The following ATP5F1B variants were observed in gnomAD, a reference collection of about 807,000 sequenced individuals.
ATP5F1B encodes the protein ATP synthase F(1) complex subunit beta, mitochondrial.
A neutral mutation model predicts 45.9 loss-of-function variants in ATP5F1B; 17 were observed. The observed-to-expected ratio is 0.37, with a 90% CI of 0.25 to 0.56. The LOEUF (loss-of-function observed/expected upper bound fraction) is 0.56, where lower values mean the gene tolerates loss of function less well. Ranked by LOEUF, ATP5F1B falls within the 20% of genes least tolerant of loss-of-function variation. The pLI is 0.80. For synonymous variants in ATP5F1B, 218 were observed against 256.5 expected (o/e 0.85, Z 1.43); for missense variants, 387 against 673.2 (o/e 0.57, Z 4.70).
chr12:56,639,004 A>C (rs1592643507), intron 9 of ATP5F1B, 102 bp downstream of exon 9: 1 of 1,134,614 alleles, frequency 8.8e-7, no homozygotes, highest in East Asian at 2.5e-5. Context: ...TTTTTAAATT[A>C]AAAAATATAA....
chr12:56,643,264 C>T (rs1951525650), intron 5 of ATP5F1B, 139 bp downstream of exon 5: 6 of 729,562 alleles, frequency 8.2e-6, no homozygotes, highest in Middle Eastern at 4.2e-4. Context: ...CCTTTGTAGG[C>T]CCTGGGACAC....
chr12:56,644,078 C>A, intron 3 of ATP5F1B, 120 bp from the exon 4 acceptor site: 1 of 1,132,158 alleles, frequency 8.8e-7, no homozygotes, highest in Non-Finnish European at 1.2e-6. Flanking sequence ...CACAGTCTTA[C>A]CTCCCCTTTC....
At chr12:56,645,800 C>A (rs746139519) in intron 1 of ATP5F1B, 37 bp downstream of exon 1, 2 of 1,598,862 alleles carry the variant, frequency 1.3e-6, no homozygotes, top group Non-Finnish European at 1.7e-6. Context: ...CATGGGGCGG[C>A]AAAATGGAAC....
At position 56,645,868 on chromosome 12, in the gene ATP5F1B, T is replaced by A. The variant is rs1327513721; in HGVS notation, c.96A>T (p.Leu32Phe). Reference sequence around the variant, plus strand: ...GGACCGCCGTCGGAGCGGCCCGCAGTAAGAGCTGAGCTGGGGGCAGCGACG... The same window carrying A: ...GGACCGCCGTCGGAGCGGCCCGCAGAAAGAGCTGAGCTGGGGGCAGCGACG... ...PSASLPPAQL[L>F]LRAAPTAVHP... The change falls in exon 1 of 10, where the codon TTA (leucine) becomes TTT (phenylalanine). Residue 32 changes from leucine to phenylalanine, a missense_variant. Coordinates refer to ENST00000262030, the MANE Select transcript of ATP5F1B (RefSeq NM_001686.4). 1 of 1,609,466 alleles carries A rather than the reference T, an allele frequency of 6.2e-7. No individual in the cohort carries two copies.
intron 7 of ATP5F1B, among the ~76,000 whole-genome samples, chr12:56,640,493 G>A (rs1951503942): frequency 6.6e-6 from 1 of 152,046 alleles, no homozygotes; most frequent in Non-Finnish European, 1.5e-5. Context: ...CTCCCAAAGT[G>A]TTGGGATTAT....
chr12:56,645,968 T>G lies in ATP5F1B; in HGVS notation c.-5A>C. On this transcript the variant is annotated 5_prime_UTR_variant, in exon 1 of 10. Coordinates refer to ENST00000262030, the MANE Select transcript of ATP5F1B (RefSeq NM_001686.4). ...CCGACCCACAAACCCCAACATGGCGTAGTCCGGGTGGAGACTGAAGGCTGC... is the reference window on the plus strand; with the variant it reads ...CCGACCCACAAACCCCAACATGGCGGAGTCCGGGTGGAGACTGAAGGCTGC... 6.3e-7 allele frequency: 1 copy of G among 1,597,782 alleles called. No homozygotes were observed. Among genetic ancestry groups the G allele is most frequent in the Non-Finnish European group, 8.5e-7 (1 of 1,173,076 alleles).
chr12:56,644,694 C>T (rs1284425308), intron 3 of ATP5F1B, 87 bp downstream of exon 3: 1 of 1,403,450 alleles, frequency 7.1e-7, no homozygotes, highest in Non-Finnish European at 9.6e-7. Flanking sequence ...AAGAAAAATT[C>T]TGCTTTAGGA....
Position 56,642,783 on chromosome 12 carries a change from G to A in ATP5F1B, c.841C>T (p.Arg281Trp). Residue 281 changes from arginine to tryptophan, a missense_variant, in exon 6 of 10, where the codon CGG becomes TGG. Transcript: ENST00000262030. ...QMNEPPGARA[R>W]VALTGLTVAE... ...ACAGTCAGCCCAGTCAGAGCTACCC[G>A]GGCACGAGCACCAGGTGGTTCATTC... The A allele has an allele frequency of 6.2e-7, 1 of 1,614,038 alleles. No individual in the cohort carries two copies. The highest frequency in any genetic ancestry group is 8.5e-7 in the Non-Finnish European group (1 of 1,180,012).
chr12:56,642,626 C>T (rs375233620), intron 6 of ATP5F1B, 46 bp from the exon 7 acceptor site: 63 of 1,613,906 alleles, frequency 3.9e-5, no homozygotes, highest in Admixed American at 1.0e-4. Flanking sequence ...TAGCCTCATC[C>T]GAAGAAAGGC....
Position 56,645,855 on chromosome 12 carries a change from G to A in ATP5F1B, c.109C>T (p.Pro37Ser), listed in dbSNP as rs757773553. 3 of 1,609,194 alleles carry A rather than the reference G, an allele frequency of 1.9e-6. No individual in the cohort carries two copies. Among genetic ancestry groups the A allele is most frequent in the Non-Finnish European group, 2.5e-6 (3 of 1,178,020 alleles). ...PPAQLLLRAA[P>S]TAVHPVRDYA... ...CACTTACCAGGATGGACCGCCGTCG[G>A]AGCGGCCCGCAGTAAGAGCTGAGCT... Residue 37 changes from proline to serine, a missense_variant, in exon 1 of 10, where the codon CCG becomes TCG. Around this residue, in one of 6 missense-constraint regions of ATP5F1B, gnomAD observed 76 missense variants for 62.0 expected, o/e 1.23. Coordinates refer to ENST00000262030, the MANE Select transcript of ATP5F1B (RefSeq NM_001686.4).
At chr12:56,645,096 A>T (rs763955569) in intron 2 of ATP5F1B, 75 bp downstream of exon 2, 1 of 1,607,576 alleles carries the variant, frequency 6.2e-7, no homozygotes, top group African/African-American at 1.3e-5. Context: ...AAATCATCAT[A>T]GAAGGCAGAC....
At chr12:56,639,922 C>A in intron 8 of ATP5F1B, 58 bp downstream of exon 8, 1 of 1,561,990 alleles carries the variant, frequency 6.4e-7, no homozygotes, top group South Asian at 1.1e-5. Flanking sequence ...CTCATATAGT[C>A]CCCACAGGCC....
At position 56,645,837 on chromosome 12, in the gene ATP5F1B, C is replaced by CCA; in HGVS notation, c.126_127insTG (p.Val43TrpfsTer42). 1 of 1,608,434 alleles carries CCA rather than the reference C, an allele frequency of 6.2e-7. No individual in the cohort carries two copies. The highest frequency in any genetic ancestry group is 1.7e-4 in the Middle Eastern group (1 of 6,054). On this transcript the variant is annotated frameshift_variant and splice_region_variant, in exon 1 of 10. Coordinates refer to ENST00000262030, the MANE Select transcript of ATP5F1B (RefSeq NM_001686.4). LOFTEE classifies it high-confidence loss of function. ...TTAGCTCCTAGAGAAAAGCACTTAC[C>CCA]AGGATGGACCGCCGTCGGAGCGGCC...
chr12:56,645,930 G>A lies in ATP5F1B; in HGVS notation c.34C>T (p.Pro12Ser), dbSNP rs1951546716. Reference sequence around the variant, plus strand: ...AGTCTCCGCAAGGCCCCGGAGGCCGGAGCAGCGGCCACCCGACCCACAAAC... The same window carrying A: ...AGTCTCCGCAAGGCCCCGGAGGCCGAAGCAGCGGCCACCCGACCCACAAAC... ...LGFVGRVAAA[P>S]ASGALRRLTP... The change falls in exon 1 of 10, where the codon CCG becomes TCG. Residue 12 changes from proline to serine, a missense_variant. By Grantham distance (74) the Pro-to-Ser change is moderately conservative. Coordinates refer to ENST00000262030, the MANE Select transcript of ATP5F1B (RefSeq NM_001686.4). The A allele has an allele frequency of 4.4e-6, 7 of 1,606,680 alleles. No homozygotes were observed. The South Asian group carries it at 6.7e-5, about 15-fold the overall frequency.
rs1399978830 is a variant in ATP5F1B, at chr12:56,642,226, G to A, written c.1074+232C>T. Among the ~76,000 whole-genome samples the A allele has an allele frequency of 3.3e-5, 5 of 151,940 alleles. No individual in the cohort carries two copies. The East Asian group carries it at 9.7e-4, about 29-fold the overall frequency. The stretch of plus-strand genomic sequence containing the variant: ...TGGCCAGGGTGGTGTCTTAACTCCT[G>A]ACCTCATGATCCGCGTACCTCAGCC... On this transcript the variant is annotated intron_variant, in intron 7 of 9. Transcript: ENST00000262030.
Position 56,643,937 on chromosome 12 carries a change from C to T in ATP5F1B, c.507G>A (p.Glu169=). 6.2e-7 allele frequency: 1 copy of T among 1,614,150 alleles called. No individual in the cohort carries two copies. The stretch of plus-strand genomic sequence containing the variant: ...CACTCATTTCCATGAACTCTGGAGC[C>T]TCAGCATGAATGGGAGCAAATCTGT... ...KTKQFAPIHA[E]APEFMEMSVE... The change falls in exon 4 of 10, where the codon GAG becomes GAA. Residue 169 remains glutamate, a synonymous_variant. Transcript: ENST00000262030.
Position 56,644,799 on chromosome 12 carries a change from C to T in ATP5F1B, c.467G>A (p.Gly156Asp), listed in dbSNP as rs746532183. Residue 156 changes from glycine to aspartate, a missense_variant, in exon 3 of 10, where the codon GGT (glycine) becomes GAT (aspartate). Around this residue, in one of 6 missense-constraint regions of ATP5F1B, gnomAD observed 113 missense variants for 168.0 expected, o/e 0.67. Transcript: ENST00000262030. ...AACTTACTGTTTGGTTTTGATGGGA[C>T]CTCTTTCATCAATAGGTTCTCCAAT... ...NVIGEPIDERGPIKTKQFAPI... is the reference protein window; with the variant it reads ...NVIGEPIDERDPIKTKQFAPI... The T allele has an allele frequency of 3.7e-6, 6 of 1,613,234 alleles. No individual in the cohort carries two copies. Among genetic ancestry groups the T allele is most frequent in the Non-Finnish European group, 1.7e-6 (2 of 1,179,474 alleles).
intron 2 of ATP5F1B, 93 bp downstream of exon 2, chr12:56,645,077 AT>A (rs757274495): frequency 4.4e-6 from 7 of 1,607,036 alleles, no homozygotes; most frequent in African/African-American, 4.0e-5. Flanking sequence ...AACGAAAGTC[AT>A]TTTGATAAAA....
intron 1 of ATP5F1B, 108 bp from the exon 2 acceptor site, chr12:56,645,461 C>A: frequency 7.8e-7 from 1 of 1,282,524 alleles, no homozygotes; most frequent in Non-Finnish European, 1.1e-6. Context: ...AGTCAGGCCT[C>A]TTTCCGCTTG....
Sources: gnomAD v4.1 joint callset for allele counts (sites outside exome capture counted in the v4.1 genomes callset) on GRCh38, gnomAD v4.1.1 for gene constraint, gnomAD v4.1.1 regional missense constraint, MANE v1.5 for transcripts, NCBI Gene and HGNC (gene_info 2026-07-23, HGNC 2026-07-21) for gene names.